The following ARHGAP28 variants were observed in gnomAD, a reference collection of about 807,000 sequenced individuals.
The protein encoded by ARHGAP28 is Rho GTPase activating protein 28.
A neutral mutation model predicts 90.7 loss-of-function variants in ARHGAP28; 56 were observed. The observed-to-expected ratio is 0.62, with a 90% CI of 0.50 to 0.77. The LOEUF (loss-of-function observed/expected upper bound fraction) is 0.77, where lower values mean the gene tolerates loss of function less well. ARHGAP28 is among the 30% of genes least tolerant of loss of function. The probability of loss-of-function intolerance (pLI) is 0.00; values close to 1 mark genes in which losing one functional copy is unlikely to be tolerated. For synonymous variants in ARHGAP28, 308 were observed against 323.3 expected (o/e 0.95, Z 0.51); for missense variants, 869 against 900.9 (o/e 0.96, Z 0.45).
At chr18:6,841,119 TTC>T (rs149011221) in intron 3 of ARHGAP28, among the ~76,000 whole-genome samples, 60 of 117,196 alleles carry the variant, frequency 5.1e-4, no homozygotes, top group East Asian at 1.0e-3. Flanking sequence ...GGTCCTTCTC[TTC>T]TCTCTCTCTC....
At chr18:6,744,543 C>A (rs755085540) in intron 1 of ARHGAP28, among the ~76,000 whole-genome samples, 4 of 152,126 alleles carry the variant, frequency 2.6e-5, no homozygotes, top group Non-Finnish European at 5.9e-5. Context: ...TATGATAACA[C>A]CTTTCTCCCC....
At chr18:6,880,199 A>G (rs1030946248) in intron 10 of ARHGAP28, among the ~76,000 whole-genome samples, 1 of 152,244 alleles carries the variant, frequency 6.6e-6, no homozygotes, top group East Asian at 1.9e-4. Context: ...TACAAATCAG[A>G]TGGAAATCGT....
intron 2 of ARHGAP28, among the ~76,000 whole-genome samples, chr18:6,832,593 T>C (rs1033748614): frequency 1.3e-5 from 2 of 152,054 alleles, no homozygotes; most frequent in Non-Finnish European, 2.9e-5. Flanking sequence ...TGGGTGCATA[T>C]ACATTTATGA....
At chr18:6,821,245 GA>G (rs2056624907) in intron 1 of ARHGAP28, among the ~76,000 whole-genome samples, 2 of 152,138 alleles carry the variant, frequency 1.3e-5, no homozygotes, top group African/African-American at 2.4e-5. Flanking sequence ...GACAATGGAA[GA>G]AAAAATAGAA....
intron 5 of ARHGAP28, 92 bp from the exon 6 acceptor site, chr18:6,868,058 C>A: frequency 9.6e-7 from 1 of 1,038,836 alleles, no homozygotes; most frequent in Non-Finnish European, 1.5e-6. Flanking sequence ...GAAAATAACT[C>A]TTGTATACTG....
intron 1 of ARHGAP28, among the ~76,000 whole-genome samples, chr18:6,800,117 A>G (rs904419443): frequency 3.3e-5 from 5 of 152,366 alleles, no homozygotes; most frequent in African/African-American, 1.2e-4. Context: ...AAAGCTCATC[A>G]TCACTGGTCA....
Position 6,786,412 on chromosome 18 carries a change from A to G in ARHGAP28, c.123-38350A>G, listed in dbSNP as rs1160821922. On this transcript the variant is annotated intron_variant, in intron 1 of 17. Coordinates refer to ENST00000383472, the MANE Select transcript of ARHGAP28 (RefSeq NM_001366230.1). Reference sequence around the variant, plus strand: ...CCCAGGTCAAGATAAGCTGGTGTCAATGAGGATAAAAATGTGAGAACCCAG... The same window carrying G: ...CCCAGGTCAAGATAAGCTGGTGTCAGTGAGGATAAAAATGTGAGAACCCAG... 2.6e-5 allele frequency among the ~76,000 whole-genome samples: 4 copies of G among 152,282 alleles called. No homozygotes were observed. The East Asian group carries it at 7.7e-4, about 29-fold the overall frequency.
At chr18:6,753,227 CTTATT>C (rs1428147956) in intron 1 of ARHGAP28, among the ~76,000 whole-genome samples, 3 of 152,026 alleles carry the variant, frequency 2.0e-5, no homozygotes, top group African/African-American at 7.3e-5. Context: ...ATAATGTCTG[CTTATT>C]TTCAGGACAA....
In ARHGAP28 at chr18:6,913,645, CTA is replaced by C. The variant is rs2057410254; in HGVS notation, c.*1494_*1495del. Reference sequence around the variant, plus strand: ...ATATACTATTATTACACCTTGATATCTATACAAAACATCACTTGTATTAAAAT... The same window carrying C: ...ATATACTATTATTACACCTTGATATCTACAAAACATCACTTGTATTAAAAT... On this transcript the variant is annotated 3_prime_UTR_variant, in exon 18 of 18. Coordinates refer to ENST00000383472, the MANE Select transcript of ARHGAP28 (RefSeq NM_001366230.1). 1 of 151,974 alleles carries C rather than the reference CTA, an allele frequency of 6.6e-6. No individual in the cohort carries two copies. The highest frequency in any genetic ancestry group is 1.5e-5 in the Non-Finnish European group (1 of 68,000). 9.4% of individuals were successfully genotyped at this position (151,974 alleles called of 1,614,324 possible).
At chr18:6,862,918 T>G (rs2057009539) in intron 5 of ARHGAP28, among the ~76,000 whole-genome samples, 1 of 152,184 alleles carries the variant, frequency 6.6e-6, no homozygotes, top group Admixed American at 6.5e-5. Flanking sequence ...CCGTAAGATT[T>G]TTAATGATAT....
At chr18:6,839,581 G>C (rs532431245) in intron 3 of ARHGAP28, among the ~76,000 whole-genome samples, 1 of 152,210 alleles carries the variant, frequency 6.6e-6, no homozygotes, top group African/African-American at 2.4e-5. Context: ...ACAGGCGTGA[G>C]CCACTGCGCC....
intron 1 of ARHGAP28, among the ~76,000 whole-genome samples, chr18:6,759,763 G>A (rs9953827): frequency 0.23 from 34,346 of 151,904 alleles, 4,004 homozygotes; most frequent in East Asian, 0.4. Flanking sequence ...CTTATGCCCA[G>A]CTGCAGAGTT....
In ARHGAP28 at chr18:6,873,205, TTTTGCTTCTAA is replaced by T. The variant is rs112240459; in HGVS notation, c.955-201_955-191del. ...TGTTATCATATACTTTAGACTGCTG[TTTTGCTTCTAA>T]TTAGCATAGCAGTGATCTGCACATT... On this transcript the variant is annotated intron_variant, in intron 7 of 17. Coordinates refer to ENST00000383472, the MANE Select transcript of ARHGAP28 (RefSeq NM_001366230.1). Among the ~76,000 whole-genome samples, 1,008 of 152,328 alleles carry T rather than the reference TTTTGCTTCTAA, an allele frequency of 6.6e-3. 9 individuals are homozygous for T. The highest frequency in any genetic ancestry group is 0.023 in the African/African-American group (964 of 41,568).
At chr18:6,873,202 C>G (rs1448503466) in intron 7 of ARHGAP28, among the ~76,000 whole-genome samples, 1 of 152,124 alleles carries the variant, frequency 6.6e-6, no homozygotes, top group Non-Finnish European at 1.5e-5. Context: ...CTTTAGACTG[C>G]TGTTTTGCTT....
chr18:6,800,187 A>G lies in ARHGAP28; in HGVS notation c.123-24575A>G, dbSNP rs575493771. Among the ~76,000 whole-genome samples the G allele has an allele frequency of 6.6e-5, 10 of 152,344 alleles. No individual in the cohort carries two copies. The East Asian group carries it at 9.6e-4, about 15-fold the overall frequency. ...CAATCTTATGCCAGTTAGAATGGCAATCATTAAAAAGTCAGGAAACAACCG... is the reference window on the plus strand; with the variant it reads ...CAATCTTATGCCAGTTAGAATGGCAGTCATTAAAAAGTCAGGAAACAACCG... On this transcript the variant is annotated intron_variant, in intron 1 of 17. Transcript: ENST00000383472.
At chr18:6,849,381 T>C (rs983591470) in intron 3 of ARHGAP28, among the ~76,000 whole-genome samples, 12 of 152,242 alleles carry the variant, frequency 7.9e-5, no homozygotes, top group African/African-American at 2.9e-4. Flanking sequence ...CTGGGCAGTT[T>C]ATGGAATGAG....
intron 10 of ARHGAP28, among the ~76,000 whole-genome samples, chr18:6,877,967 T>C (rs148741104): frequency 6.6e-6 from 1 of 151,294 alleles, no homozygotes; most frequent in African/African-American, 2.4e-5. Flanking sequence ...TGTGTGTGTG[T>C]GTATGTGCAT....
intron 3 of ARHGAP28, among the ~76,000 whole-genome samples, chr18:6,848,539 A>T (rs2056883790): frequency 6.6e-6 from 1 of 152,246 alleles, no homozygotes; most frequent in Non-Finnish European, 1.5e-5. Flanking sequence ...AACAAAAGCA[A>T]TGGTGATGGT....
intron 1 of ARHGAP28, among the ~76,000 whole-genome samples, chr18:6,786,699 C>G (rs1296187474): frequency 1.3e-5 from 2 of 152,102 alleles, no homozygotes; most frequent in Non-Finnish European, 2.9e-5. Flanking sequence ...ACAAATTATC[C>G]TCACAGCAAG....
Sources: allele counts gnomAD v4.1 joint callset (sites outside exome capture counted in the v4.1 genomes callset), GRCh38; gene constraint gnomAD v4.1.1; transcripts MANE v1.5; gene names NCBI Gene and HGNC (gene_info 2026-07-23, HGNC 2026-07-21).